Variants in RPH3A observed in about 807,000 individuals in gnomAD.
RPH3A encodes the protein rabphilin 3A.
A neutral mutation model predicts 102.2 loss-of-function variants in RPH3A; 48 were observed. That is an observed-to-expected ratio of 0.47 (90% CI 0.37 to 0.60). The LOEUF is 0.60. Ranked by LOEUF, RPH3A falls within the 20% of genes least tolerant of loss-of-function variation. The pLI is 0.00. For missense variants in RPH3A, 781 were observed against 910.1 expected (o/e 0.86, Z 1.83); for synonymous variants, 310 against 324.3 (o/e 0.96, Z 0.47).
chr12:112,754,225 C>T (rs1345982205), intron 1 of RPH3A, among the ~76,000 whole-genome samples: 1 of 152,178 alleles, frequency 6.6e-6, no homozygotes, highest in Non-Finnish European at 1.5e-5. Context: ...TCTAGACACA[C>T]TCTTAAACTC....
At chr12:112,575,306 A>C (rs2039349236) in exon 1 of RPH3A, 1 of 152,244 alleles carries the variant, frequency 6.6e-6, no homozygotes, top group African/African-American at 2.4e-5. Flanking sequence ...CGGGCCCACC[A>C]ACGCTGCAGG....
chr12:112,813,156 G>GA lies in RPH3A; in HGVS notation c.-18-15144dup, dbSNP rs940099524. Among the ~76,000 whole-genome samples, 37 of 152,330 alleles carry GA rather than the reference G, an allele frequency of 2.4e-4. No individual in the cohort carries two copies. In the South Asian group the frequency reaches 3.1e-3, roughly 13 times the overall value. On this transcript the variant is annotated intron_variant, in intron 2 of 21. Transcript: ENST00000389385. ...CACAACTAGAAAGAGGCAGAGTGGG[G>GA]ACTTGAATCTTGACAGCTCAGCACC...
chr12:112,772,344 C>T (rs577669087), intron 1 of RPH3A, among the ~76,000 whole-genome samples: 34 of 152,258 alleles, frequency 2.2e-4, no homozygotes, highest in African/African-American at 7.9e-4. Context: ...GTCTCCAAGG[C>T]GAGGGGTTGT....
chr12:112,738,417 T>C (rs559910510), intron 1 of RPH3A, among the ~76,000 whole-genome samples: 2 of 152,276 alleles, frequency 1.3e-5, no homozygotes, highest in South Asian at 4.1e-4. Context: ...GTCCTCATCT[T>C]AACTAATGAC....
intron 1 of RPH3A, among the ~76,000 whole-genome samples, chr12:112,734,240 T>A (rs2040653287): frequency 6.6e-6 from 1 of 152,212 alleles, no homozygotes. Flanking sequence ...GTGTTACAAT[T>A]GCCTACAGTG....
intron 1 of RPH3A, among the ~76,000 whole-genome samples, chr12:112,744,623 GTCATC>G (rs1183823458): frequency 6.6e-6 from 1 of 152,116 alleles, no homozygotes; most frequent in Non-Finnish European, 1.5e-5. Context: ...CTTGCAGGGG[GTCATC>G]TCATCAACTC....
At chr12:112,608,688 T>C (rs955228733) in intron 1 of RPH3A, among the ~76,000 whole-genome samples, 2 of 152,242 alleles carry the variant, frequency 1.3e-5, no homozygotes, top group Admixed American at 6.5e-5. Context: ...CTTGAGCTTC[T>C]GTGTTAAATG....
intron 1 of RPH3A, among the ~76,000 whole-genome samples, chr12:112,648,349 T>G (rs1662860340): frequency 2.0e-5 from 3 of 151,714 alleles, no homozygotes; most frequent in Admixed American, 1.3e-4. Context: ...TTAGGTTGCT[T>G]TTCATTTTTC....
At chr12:112,705,353 A>C (rs2040421021) in intron 1 of RPH3A, among the ~76,000 whole-genome samples, 1 of 152,222 alleles carries the variant, frequency 6.6e-6, no homozygotes, top group African/African-American at 2.4e-5. Flanking sequence ...TATGGAACAA[A>C]GAGGAGAAGA....
chr12:112,678,291 A>AG (rs1566255250), intron 1 of RPH3A, among the ~76,000 whole-genome samples: 497 of 30,722 alleles, frequency 0.016, 72 homozygotes, highest in African/African-American at 0.073. Flanking sequence ...GAAAGAAAGA[A>AG]AGAAAGAAAG....
intron 15 of RPH3A, 30 bp from the exon 16 acceptor site, chr12:112,883,263 G>C (rs780671611): frequency 3.4e-5 from 53 of 1,571,156 alleles, no homozygotes; most frequent in Non-Finnish European, 4.5e-5. Context: ...ACTGAGGTAG[G>C]TGTCTCTGTC....
chr12:112,709,777 C>T (rs750543974), intron 1 of RPH3A, among the ~76,000 whole-genome samples: 5 of 152,030 alleles, frequency 3.3e-5, no homozygotes, highest in Admixed American at 1.3e-4. Flanking sequence ...AGGATCTTCC[C>T]GGCGGACAAC....
At chr12:112,727,979 T>G (rs544672264) in intron 1 of RPH3A, among the ~76,000 whole-genome samples, 1 of 152,264 alleles carries the variant, frequency 6.6e-6, no homozygotes, top group African/African-American at 2.4e-5. Context: ...TAAAAACCCA[T>G]GAATATGTAA....
chr12:112,896,100 G>T (rs1321017430), intron 21 of RPH3A, among the ~76,000 whole-genome samples: 1 of 152,220 alleles, frequency 6.6e-6, no homozygotes, highest in Non-Finnish European at 1.5e-5. Context: ...ACCTCCAGTG[G>T]GGTAATTAAA....
chr12:112,773,733 G>T (rs2040944084), intron 1 of RPH3A, among the ~76,000 whole-genome samples: 1 of 151,974 alleles, frequency 6.6e-6, no homozygotes, highest in African/African-American at 2.4e-5. Context: ...GTGGGAGCAG[G>T]ACTGAAGCTG....
At chr12:112,755,499 T>G (rs919584846) in intron 1 of RPH3A, among the ~76,000 whole-genome samples, 3 of 152,184 alleles carry the variant, frequency 2.0e-5, no homozygotes, top group African/African-American at 7.2e-5. Context: ...TTGGGCTTGG[T>G]CATGTGACTT....
At chr12:112,716,423 C>A (rs564509124) in intron 1 of RPH3A, among the ~76,000 whole-genome samples, 3 of 152,208 alleles carry the variant, frequency 2.0e-5, no homozygotes, top group African/African-American at 7.2e-5. Flanking sequence ...TCCTGGTTTG[C>A]CTGCTTTAAC....
At chr12:112,710,061 G>A (rs564509079) in intron 1 of RPH3A, among the ~76,000 whole-genome samples, 3 of 151,974 alleles carry the variant, frequency 2.0e-5, no homozygotes, top group Admixed American at 1.3e-4. Flanking sequence ...TGCAAGCTCC[G>A]CCGCCCGGGT....
intron 2 of RPH3A, among the ~76,000 whole-genome samples, chr12:112,821,986 A>C (rs1262350539): frequency 4.7e-5 from 7 of 148,178 alleles, no homozygotes; most frequent in Non-Finnish European, 8.9e-5. Flanking sequence ...AAAAAAAAAA[A>C]CCCCTTCATG....
Sources: gnomAD v4.1 joint callset for allele counts (sites outside exome capture counted in the v4.1 genomes callset) on GRCh38, gnomAD v4.1.1 for gene constraint, MANE v1.5 for transcripts, NCBI Gene and HGNC (gene_info 2026-07-23, HGNC 2026-07-21) for gene names.